Variants in NAA11 observed in about 807,000 individuals in gnomAD.
The protein encoded by NAA11 is N-alpha-acetyltransferase 11.
In NAA11, 15 loss-of-function variants were observed where a neutral mutation model predicts 16.1. That is an observed-to-expected ratio of 0.93 (90% CI 0.62 to 1.44). The LOEUF is 1.44. Ranked by LOEUF, NAA11 falls within the 40% of genes most tolerant of loss-of-function variation. The pLI is 0.00. For synonymous variants in NAA11, 122 were observed against 112.4 expected, an observed-to-expected ratio of 1.09 and a Z score of -0.54; for missense variants, 298 against 291.3, an observed-to-expected ratio of 1.02 and a Z score of -0.17.
chr4:79,325,890 T>C lies in NAA11; in HGVS notation c.-13A>G, dbSNP rs1578200447. The C allele has an allele frequency of 6.3e-7, 1 of 1,594,990 alleles. No homozygotes were observed. The highest frequency in any genetic ancestry group is 1.3e-5 in the African/African-American group (1 of 74,784). On this transcript the variant is annotated 5_prime_UTR_variant, in exon 1 of 2. Transcript: ENST00000286794. ...TGCGGATGTTCATAATGGCAGAGGG[T>C]AGGGAACCGGTTGGACTGCAGTGAA...
chr4:79,325,442 C>A lies in NAA11; in HGVS notation c.436G>T (p.Ala146Ser). ...KYYADGEDAY[A>S]MKRDLSQMAD... ...ATCTGCGAGAGATCCCGCTTCATAGCATAAGCATCTTCCCCATCTGCATAG... is the reference window on the plus strand; with the variant it reads ...ATCTGCGAGAGATCCCGCTTCATAGAATAAGCATCTTCCCCATCTGCATAG... The change falls in exon 1 of 2, where the codon GCT becomes TCT. Residue 146 changes from alanine to serine, a missense_variant. Coordinates refer to ENST00000286794, the MANE Select transcript of NAA11 (RefSeq NM_032693.3). 6.2e-7 allele frequency: 1 copy of A among 1,614,226 alleles called. No homozygotes were observed. Among genetic ancestry groups the A allele is most frequent in the African/African-American group, 1.3e-5 (1 of 75,048 alleles).
intron 1 of NAA11, among the ~76,000 whole-genome samples, chr4:79,310,741 A>G (rs1723748539): frequency 5.9e-5 from 9 of 152,204 alleles, no homozygotes. Context: ...TCTAAATATT[A>G]TTTATAGGAG....
At chr4:79,323,664 CA>C (rs1724169652) in intron 1 of NAA11, among the ~76,000 whole-genome samples, 1 of 151,866 alleles carries the variant, frequency 6.6e-6, no homozygotes, top group Non-Finnish European at 1.5e-5. Flanking sequence ...ACTAAAAATA[CA>C]AAAAAATTAG....
At chr4:79,214,562 G>A in the NAA11 span, among the ~76,000 whole-genome samples, 1 of 152,118 alleles carries the variant, frequency 6.6e-6, no homozygotes, top group South Asian at 2.1e-4. Context: ...CACTTTGGGA[G>A]GCCGAGGTGG....
At chr4:79,237,429 A>G (rs1340760630) in intron 2 of NAA11, among the ~76,000 whole-genome samples, 1 of 152,182 alleles carries the variant, frequency 6.6e-6, no homozygotes, top group Non-Finnish European at 1.5e-5. Flanking sequence ...GCTCCCATAT[A>G]TCTATTGTTT....
the NAA11 span, among the ~76,000 whole-genome samples, chr4:79,167,383 T>C: frequency 6.7e-6 from 1 of 149,698 alleles, no homozygotes; most frequent in South Asian, 2.1e-4. Flanking sequence ...TTAACAGTTA[T>C]AAAAGCTCTT....
chr4:79,201,577 G>T, the NAA11 span, among the ~76,000 whole-genome samples: 1 of 151,282 alleles, frequency 6.6e-6, no homozygotes, highest in Non-Finnish European at 1.5e-5. Flanking sequence ...AAAACCCTTT[G>T]CCTGTCATAT....
chr4:79,158,107 T>C, the NAA11 span, among the ~76,000 whole-genome samples: 4 of 151,966 alleles, frequency 2.6e-5, no homozygotes, highest in Non-Finnish European at 5.9e-5. Context: ...TTCACCATGT[T>C]AGCCAGGATG....
At chr4:79,288,151 AG>A (rs1722990923) in intron 2 of NAA11, among the ~76,000 whole-genome samples, 1 of 152,188 alleles carries the variant, frequency 6.6e-6, no homozygotes, top group Non-Finnish European at 1.5e-5. Context: ...AGCTTTCGAT[AG>A]GTCAGCAAAT....
the NAA11 span, among the ~76,000 whole-genome samples, chr4:79,175,323 T>C: frequency 2.6e-5 from 4 of 152,064 alleles, no homozygotes; most frequent in Non-Finnish European, 2.9e-5. Flanking sequence ...TCACAAAATA[T>C]TAAGAGAAAT....
At chr4:79,289,651 A>G (rs996739328) in intron 2 of NAA11, among the ~76,000 whole-genome samples, 1 of 152,210 alleles carries the variant, frequency 6.6e-6, no homozygotes, top group Non-Finnish European at 1.5e-5. Flanking sequence ...CTGGGATTTG[A>G]ATTCAGAACA....
Position 79,325,901 on chromosome 4 carries a change from T to G in NAA11, c.-24A>C. 6.3e-7 allele frequency: 1 copy of G among 1,585,266 alleles called. No homozygotes were observed. Among genetic ancestry groups the G allele is most frequent in the South Asian group, 1.2e-5 (1 of 84,736 alleles). Reference sequence around the variant, plus strand: ...ATAATGGCAGAGGGTAGGGAACCGGTTGGACTGCAGTGAACCCAGAAGAGG... The same window carrying G: ...ATAATGGCAGAGGGTAGGGAACCGGGTGGACTGCAGTGAACCCAGAAGAGG... On this transcript the variant is annotated 5_prime_UTR_variant, in exon 1 of 2. Transcript: ENST00000286794.
At chr4:79,243,594 T>G (rs1177019163) in intron 2 of NAA11, among the ~76,000 whole-genome samples, 2 of 152,236 alleles carry the variant, frequency 1.3e-5, no homozygotes, top group Non-Finnish European at 2.9e-5. Context: ...TAAAACAAGT[T>G]TACTGATGTG....
intron 1 of NAA11, among the ~76,000 whole-genome samples, chr4:79,294,622 A>G (rs894790786): frequency 3.3e-5 from 5 of 152,166 alleles, no homozygotes; most frequent in African/African-American, 1.2e-4. Context: ...TTTTATTTCT[A>G]TCTGGTGGCT....
intron 2 of NAA11, among the ~76,000 whole-genome samples, chr4:79,238,720 C>T (rs1427740448): frequency 6.6e-6 from 1 of 152,016 alleles, no homozygotes; most frequent in Non-Finnish European, 1.5e-5. Context: ...GTTCACACAC[C>T]AAAAAATGGC....
chr4:79,266,097 G>T (rs1722338402), intron 2 of NAA11, among the ~76,000 whole-genome samples: 1 of 152,058 alleles, frequency 6.6e-6, no homozygotes, highest in Non-Finnish European at 1.5e-5. Flanking sequence ...CCACCCACCT[G>T]CCCTCATATC....
intron 1 of NAA11, among the ~76,000 whole-genome samples, chr4:79,323,760 G>A (rs1300048436): frequency 1.3e-5 from 2 of 152,092 alleles, no homozygotes; most frequent in African/African-American, 4.8e-5. Context: ...GGCGGAGCTT[G>A]CAGTGAGCCA....
chr4:79,278,989 T>C (rs1308535062), intron 2 of NAA11, among the ~76,000 whole-genome samples: 1 of 152,066 alleles, frequency 6.6e-6, no homozygotes, highest in African/African-American at 2.4e-5. Context: ...GTGAACCTGC[T>C]ATTGCAAGCC....
chr4:79,223,195 C>T (rs1324868034), downstream of NAA11, among the ~76,000 whole-genome samples: 11 of 151,064 alleles, frequency 7.3e-5, no homozygotes, highest in East Asian at 3.9e-4. Context: ...CTCATGCACA[C>T]GTATGTTTAT....
Sources: allele counts gnomAD v4.1 joint callset (sites outside exome capture counted in the v4.1 genomes callset), GRCh38; gene constraint gnomAD v4.1.1; transcripts MANE v1.5; gene names NCBI Gene and HGNC (gene_info 2026-07-23, HGNC 2026-07-21).